Variants in FTO observed in about 807,000 individuals in gnomAD.
FTO encodes alpha-ketoglutarate-dependent dioxygenase FTO.
FTO carries 47 observed loss-of-function variants against 63.9 expected under a neutral mutation model. The observed-to-expected ratio is 0.74, with a 90% confidence interval of 0.58 to 0.94. FTO has a LOEUF of 0.94. Among genes scored for constraint, FTO ranks in the 40% least tolerant of loss-of-function variants. The pLI is 0.00. For missense variants in FTO, 562 were observed against 618.1 expected, an observed-to-expected ratio of 0.91 and a Z score of 0.96; for synonymous variants, 207 against 224.4, an observed-to-expected ratio of 0.92 and a Z score of 0.69.
chr16:54,086,366 A>G (rs2086255200), intron 8 of FTO, among the ~76,000 whole-genome samples: 1 of 152,224 alleles, frequency 6.6e-6, no homozygotes, highest in Non-Finnish European at 1.5e-5. Flanking sequence ...AAGAGTTAAT[A>G]ATTGGATCCT....
rs76985522 is a variant in FTO at position 53,947,737 on chromosome 16, G to A, written c.1364+13628G>A. Among the ~76,000 whole-genome samples, 74 of 152,168 alleles carry A rather than the reference G, an allele frequency of 4.9e-4. No homozygotes were observed. In the East Asian group the frequency reaches 0.014, roughly 28 times the overall value. Reference sequence around the variant, plus strand: ...GTCTAAGCTTTACATTTCAGCCCTCGGGGCTTTAGCATTATTATTTTTAAT... The same window carrying A: ...GTCTAAGCTTTACATTTCAGCCCTCAGGGCTTTAGCATTATTATTTTTAAT... On this transcript the variant is annotated intron_variant, in intron 8 of 8. Transcript: ENST00000471389.
intron 8 of FTO, among the ~76,000 whole-genome samples, chr16:53,977,483 A>G (rs774811424): frequency 7.9e-5 from 12 of 152,192 alleles, no homozygotes; most frequent in Non-Finnish European, 1.6e-4. Flanking sequence ...ATTCATTCCT[A>G]ACATTTCTGT....
intron 1 of FTO, among the ~76,000 whole-genome samples, chr16:53,777,762 C>T (rs1316497547): frequency 6.6e-6 from 1 of 152,132 alleles, no homozygotes; most frequent in African/African-American, 2.4e-5. Flanking sequence ...TCTTGACAAC[C>T]TGAAGTTTAT....
rs7185708 is a variant in FTO at position 54,012,428 on chromosome 16, G to A, written c.1364+78319G>A. 5.2e-3 allele frequency among the ~76,000 whole-genome samples: 792 copies of A among 152,342 alleles called. 6 individuals are homozygous for A. Among genetic ancestry groups the A allele is most frequent in the African/African-American group, 0.018 (735 of 41,586 alleles). On this transcript the variant is annotated intron_variant, in intron 8 of 8. Coordinates refer to ENST00000471389, the MANE Select transcript of FTO (RefSeq NM_001080432.3). ...TGTCTCCATAACATAAGTGCAAGAT[G>A]AAGCAGCAAGTGCTGATACAGAGGC... is the stretch of plus-strand genomic sequence containing the variant.
At chr16:53,957,667 A>G (rs1231270847) in intron 8 of FTO, among the ~76,000 whole-genome samples, 1 of 152,270 alleles carries the variant, frequency 6.6e-6, no homozygotes, top group East Asian at 1.9e-4. Context: ...ATGAATCAAA[A>G]GATAGCTTAT....
intron 8 of FTO, among the ~76,000 whole-genome samples, chr16:53,934,476 T>C (rs1031152509): frequency 9.2e-5 from 14 of 152,228 alleles, no homozygotes; most frequent in African/African-American, 3.4e-4. Context: ...CATATAGTGC[T>C]CCTATATCAC....
rs541235484 is a variant in FTO, at chr16:54,086,677, C to A, written c.1365-25085C>A. ...TATAATTTACCAGCTATGGATCTAA[C>A]CTTTCTTCATCAAATATTCATAAAG... On this transcript the variant is annotated intron_variant, in intron 8 of 8. Transcript: ENST00000471389. Among the ~76,000 whole-genome samples the A allele has an allele frequency of 2.6e-5, 4 of 152,308 alleles. No individual in the cohort carries two copies. In the South Asian group the frequency reaches 6.2e-4, roughly 24 times the overall value.
intron 8 of FTO, among the ~76,000 whole-genome samples, chr16:53,952,405 C>G: frequency 6.6e-6 from 1 of 152,278 alleles, no homozygotes; most frequent in East Asian, 1.9e-4. Flanking sequence ...CTGAAGGGCT[C>G]TAACCTGTGC....
chr16:53,879,810 C>G, intron 5 of FTO, 34 bp from the exon 6 acceptor site: 2 of 1,612,572 alleles, frequency 1.2e-6, no homozygotes, highest in Non-Finnish European at 1.7e-6. Context: ...TTAGATTTTG[C>G]CCATAATTGT....
At chr16:53,809,748 C>T (rs1040886996) in intron 1 of FTO, among the ~76,000 whole-genome samples, 5 of 152,022 alleles carry the variant, frequency 3.3e-5, no homozygotes, top group African/African-American at 1.2e-4. Context: ...TTGAGACCAG[C>T]CTGGGCAACA....
intron 1 of FTO, among the ~76,000 whole-genome samples, chr16:53,760,261 T>TG (rs1567962941): frequency 5.7e-4 from 10 of 17,632 alleles, no homozygotes; most frequent in African/African-American, 3.6e-3. Context: ...TGTGTGTGTG[T>TG]TTTTTGGAGA....
chr16:54,006,578 C>G (rs570965964), intron 8 of FTO, among the ~76,000 whole-genome samples: 1 of 152,322 alleles, frequency 6.6e-6, no homozygotes, highest in African/African-American at 2.4e-5. Flanking sequence ...ATCCCTTTCT[C>G]TAGTCATTAT....
Position 54,060,673 on chromosome 16 carries a change from AC to A in FTO, c.1365-51088del, listed in dbSNP as rs1469148368. Among the ~76,000 whole-genome samples the A allele has an allele frequency of 3.9e-5, 6 of 152,182 alleles. No individual in the cohort carries two copies. The East Asian group carries it at 1.2e-3, about 29-fold the overall frequency. On this transcript the variant is annotated intron_variant, in intron 8 of 8. Transcript: ENST00000471389. ...TATTCTAGAACAACAAAAAACAATC[AC>A]TTACTAAATCAGATCGGCTCATTTG...
intron 8 of FTO, among the ~76,000 whole-genome samples, chr16:54,097,112 A>G (rs1225487846): frequency 1.3e-5 from 2 of 152,288 alleles, no homozygotes; most frequent in African/African-American, 2.4e-5. Flanking sequence ...GTTTATATAT[A>G]TAACTACAGT....
chr16:54,069,084 C>G (rs557027420), intron 8 of FTO, among the ~76,000 whole-genome samples: 1 of 152,138 alleles, frequency 6.6e-6, no homozygotes, highest in Non-Finnish European at 1.5e-5. Flanking sequence ...TTAAACTGAT[C>G]GCTCCAGTTT....
intron 1 of FTO, among the ~76,000 whole-genome samples, chr16:53,789,491 A>G (rs1598662000): frequency 6.6e-6 from 1 of 152,290 alleles, no homozygotes; most frequent in Non-Finnish European, 1.5e-5. Context: ...AGATTAGGCA[A>G]TTATTAACAT....
chr16:53,795,310 T>C (rs1304637295), intron 1 of FTO, among the ~76,000 whole-genome samples: 1 of 152,108 alleles, frequency 6.6e-6, no homozygotes, highest in African/African-American at 2.4e-5. Flanking sequence ...ATTTAGGAGA[T>C]TTGAAGGATA....
At chr16:53,947,168 A>G (rs2082669470) in intron 8 of FTO, among the ~76,000 whole-genome samples, 1 of 152,148 alleles carries the variant, frequency 6.6e-6, no homozygotes, top group Non-Finnish European at 1.5e-5. Flanking sequence ...TGGTGGGTCA[A>G]GTTTAAGAGG....
chr16:53,727,930 T>C (rs530412385), intron 1 of FTO, among the ~76,000 whole-genome samples: 3 of 152,298 alleles, frequency 2.0e-5, no homozygotes, highest in Admixed American at 2.0e-4. Context: ...CATCCAGTGT[T>C]AGCAGGAAAG....
Sources: allele counts gnomAD v4.1 joint callset (sites outside exome capture counted in the v4.1 genomes callset), GRCh38; gene constraint gnomAD v4.1.1; transcripts MANE v1.5; gene names NCBI Gene and HGNC (gene_info 2026-07-23, HGNC 2026-07-21).